The following WDPCP variants were observed in gnomAD, a reference collection of about 807,000 sequenced individuals.
WDPCP encodes the protein WD repeat containing planar cell polarity effector, also known as WD repeat-containing and planar cell polarity effector protein fritz homolog.
A neutral mutation model predicts 93.1 loss-of-function variants in WDPCP; 71 were observed. The ratio of observed to expected loss-of-function variants is 0.76; its 90% CI spans 0.63 to 0.93. The LOEUF (loss-of-function observed/expected upper bound fraction) is 0.93. WDPCP is among the 40% of genes least tolerant of loss of function. The pLI, the probability that WDPCP is intolerant of heterozygous loss-of-function variation, is 0.00. For missense variants in WDPCP, 844 were observed against 887.4 expected (o/e 0.95, Z 0.62); for synonymous variants, 315 against 315.0 (o/e 1.00, Z 0.00).
At chr2:63,283,765 C>G (rs1287784494) in intron 13 of WDPCP, among the ~76,000 whole-genome samples, 1 of 152,164 alleles carries the variant, frequency 6.6e-6, no homozygotes, top group Non-Finnish European at 1.5e-5. Context: ...GACTTTTTGT[C>G]TGTAATTCCG....
chr2:63,429,976 T>TACACACACACACAC (rs199517613), intron 9 of WDPCP, among the ~76,000 whole-genome samples: 11 of 137,342 alleles, frequency 8.0e-5, no homozygotes, highest in Admixed American at 2.2e-4. Context: ...GAAAATGTTA[T>TACACACACACACAC]ACACACACAC....
intron 17 of WDPCP, among the ~76,000 whole-genome samples, chr2:63,135,759 T>A (rs940846673): frequency 4.6e-5 from 7 of 152,036 alleles, no homozygotes; most frequent in African/African-American, 1.7e-4. Context: ...TGAGACAGGG[T>A]CTCACTCTGT....
intron 12 of WDPCP, among the ~76,000 whole-genome samples, chr2:63,337,569 G>A (rs147419793): frequency 2.4e-4 from 36 of 152,208 alleles, no homozygotes; most frequent in Non-Finnish European, 1.2e-4. Context: ...TTAGTTTTTC[G>A]AGGAACCTCC....
chr2:63,769,888 G>C (rs1670199801), intron 2 of WDPCP, among the ~76,000 whole-genome samples: 2 of 151,848 alleles, frequency 1.3e-5, no homozygotes, highest in South Asian at 2.1e-4. Flanking sequence ...GTTTCTGTTA[G>C]TTTTTCTCTA....
chr2:63,800,014 T>G (rs1027476995), intron 2 of WDPCP, among the ~76,000 whole-genome samples: 2 of 152,216 alleles, frequency 1.3e-5, no homozygotes, highest in Admixed American at 6.5e-5. Flanking sequence ...TTTTATGTTC[T>G]TCCTTGGTTA....
At chr2:63,455,552 C>T (rs114691278) in intron 6 of WDPCP, among the ~76,000 whole-genome samples, 3,092 of 151,320 alleles carry the variant, frequency 0.02, 122 homozygotes, top group African/African-American at 0.071. Flanking sequence ...CAGACTTTAA[C>T]TCAAAAACAG....
intron 3 of WDPCP, among the ~76,000 whole-genome samples, chr2:63,607,818 C>A (rs1241440561): frequency 7.7e-6 from 1 of 130,544 alleles, no homozygotes; most frequent in Non-Finnish European, 1.6e-5. Flanking sequence ...CAGAGCGAGA[C>A]TCCGTCTCAA....
intron 13 of WDPCP, among the ~76,000 whole-genome samples, chr2:63,282,330 C>A (rs955633145): frequency 2.0e-5 from 3 of 152,114 alleles, no homozygotes; most frequent in African/African-American, 4.8e-5. Context: ...CATGGTGAAA[C>A]CCTGTCTCTA....
At chr2:63,436,841 A>T (rs761323764) in intron 8 of WDPCP, among the ~76,000 whole-genome samples, 11 of 152,128 alleles carry the variant, frequency 7.2e-5, no homozygotes, top group Non-Finnish European at 1.3e-4. Context: ...ATTCTGCCTT[A>T]ATAGATGTAA....
intron 12 of WDPCP, among the ~76,000 whole-genome samples, chr2:63,349,723 T>C (rs779446790): frequency 6.6e-6 from 1 of 152,184 alleles, no homozygotes; most frequent in Non-Finnish European, 1.5e-5. Flanking sequence ...GGAACAGTCT[T>C]ATTTTCATCC....
At chr2:63,724,890 G>A (rs554801650) in intron 2 of WDPCP, among the ~76,000 whole-genome samples, 1 of 152,326 alleles carries the variant, frequency 6.6e-6, no homozygotes, top group Non-Finnish European at 1.5e-5. Flanking sequence ...TTTGTACAGA[G>A]GGGCAACTCA....
intron 3 of WDPCP, among the ~76,000 whole-genome samples, chr2:63,610,579 AAG>A (rs1709604342): frequency 6.6e-6 from 1 of 152,172 alleles, no homozygotes; most frequent in South Asian, 2.1e-4. Flanking sequence ...AAAAAAAAAA[AAG>A]GAATACATAG....
intron 6 of WDPCP, among the ~76,000 whole-genome samples, chr2:63,468,779 G>T (rs1699515543): frequency 1.3e-5 from 2 of 151,904 alleles, no homozygotes; most frequent in Non-Finnish European, 2.9e-5. Context: ...AGCAATTAAT[G>T]CTCCCCTTTC....
chr2:63,536,064 A>G (rs530079848), intron 1 of WDPCP, among the ~76,000 whole-genome samples: 2 of 152,370 alleles, frequency 1.3e-5, no homozygotes, highest in South Asian at 2.1e-4. Flanking sequence ...ATATTAACAG[A>G]CACTTCTCAA....
chr2:63,195,561 T>G (rs920929417), intron 14 of WDPCP, among the ~76,000 whole-genome samples: 5 of 152,060 alleles, frequency 3.3e-5, no homozygotes, highest in Admixed American at 3.3e-4. Flanking sequence ...TGGGCTTAAG[T>G]GATCCTCCTG....
At chr2:63,577,647 T>C (rs1708206735) in intron 1 of WDPCP, among the ~76,000 whole-genome samples, 1 of 152,206 alleles carries the variant, frequency 6.6e-6, no homozygotes, top group East Asian at 1.9e-4. Flanking sequence ...AATAATTTTA[T>C]GTCAAATACA....
intron 14 of WDPCP, among the ~76,000 whole-genome samples, chr2:63,182,406 A>G (rs980743296): frequency 9.2e-5 from 14 of 151,884 alleles, no homozygotes; most frequent in South Asian, 2.1e-4. Flanking sequence ...AGATATTTAT[A>G]TAGTTTGTTT....
At chr2:63,825,476 C>T (rs72808218) in intron 1 of WDPCP, among the ~76,000 whole-genome samples, 27,092 of 151,852 alleles carry the variant, frequency 0.18, 3,216 homozygotes, top group Non-Finnish European at 0.24. Context: ...GGAAGCACCT[C>T]GAGCCAAAAG....
At chr2:63,287,303 T>C (rs1684079635) in intron 13 of WDPCP, among the ~76,000 whole-genome samples, 1 of 152,182 alleles carries the variant, frequency 6.6e-6, no homozygotes, top group Admixed American at 6.5e-5. Context: ...TCTTTTTTTT[T>C]TTTTGGCTGA....
Sources: gnomAD v4.1 joint callset for allele counts (sites outside exome capture counted in the v4.1 genomes callset) on GRCh38, gnomAD v4.1.1 for gene constraint, MANE v1.5 for transcripts, NCBI Gene and HGNC (gene_info 2026-07-23, HGNC 2026-07-21) for gene names.